The following ZFPM1 variants were observed in gnomAD, a reference collection of about 807,000 sequenced individuals.
ZFPM1 encodes zinc finger protein, FOG family member 1.
A neutral mutation model predicts 46.3 loss-of-function variants in ZFPM1; 28 were observed. The ratio of observed to expected loss-of-function variants is 0.60; its 90% CI spans 0.45 to 0.83. ZFPM1 has a LOEUF of 0.83. Ranked by LOEUF, ZFPM1 falls within the 40% of genes least tolerant of loss-of-function variation. The pLI is 0.00. For synonymous variants in ZFPM1, 957 were observed against 675.9 expected (o/e 1.42, Z -6.45); for missense variants, 1,878 against 1,432.4 (o/e 1.31, Z -5.02).
intron 1 of ZFPM1, among the ~76,000 whole-genome samples, chr16:88,476,174 A>C (rs1046098579): frequency 1.3e-5 from 2 of 152,058 alleles, no homozygotes; most frequent in Admixed American, 1.3e-4. Context: ...CACCCACCCC[A>C]GGGTGAGCAG....
chr16:88,462,313 G>C (rs1223068807), intron 1 of ZFPM1, among the ~76,000 whole-genome samples: 1 of 152,262 alleles, frequency 6.6e-6, no homozygotes, highest in East Asian at 1.9e-4. Context: ...ACCTGGAGCT[G>C]AAGTGAGCCC....
chr16:88,520,809 GTGGATGGA>G (rs746320971), intron 4 of ZFPM1, among the ~76,000 whole-genome samples: 18 of 84,386 alleles, frequency 2.1e-4, no homozygotes, highest in Non-Finnish European at 3.7e-4. Flanking sequence ...GGATGGGTGG[GTGGATGGA>G]TGGATGGATG....
At chr16:88,460,114 G>C (rs991869470) in intron 1 of ZFPM1, among the ~76,000 whole-genome samples, 1 of 152,038 alleles carries the variant, frequency 6.6e-6, no homozygotes, top group Non-Finnish European at 1.5e-5. Context: ...CTTCCCTTTG[G>C]CGAAGGCAGC....
chr16:88,490,946 C>A (rs995228232), intron 3 of ZFPM1, among the ~76,000 whole-genome samples: 15 of 152,084 alleles, frequency 9.9e-5, no homozygotes, highest in Non-Finnish European at 2.9e-5. Flanking sequence ...CGTCCCTTCT[C>A]CTCAGGGACA....
At chr16:88,453,021 C>CG (rs1907345367), upstream of ZFPM1, among the ~76,000 whole-genome samples, 1 of 149,200 alleles carries the variant, frequency 6.7e-6, no homozygotes, top group Non-Finnish European at 1.5e-5. Context: ...AAGGCCCAGA[C>CG]GGACAGGGGC....
Position 88,465,537 on chromosome 16 carries a change from G to A in ZFPM1, c.40+11859G>A, listed in dbSNP as rs534260523. ...TGCAATGCCCCAGGGTGGGCATTTC[G>A]CCTGTGTGGATCCCTGGTGTCCCCC... On this transcript the variant is annotated intron_variant, in intron 1 of 9. Transcript: ENST00000319555. Among the ~76,000 whole-genome samples the A allele has an allele frequency of 1.1e-3, 167 of 152,342 alleles. 2 individuals carry two copies. The highest frequency in any genetic ancestry group is 9.7e-3 in the South Asian group (47 of 4,828).
chr16:88,513,220 T>C (rs1259905885), intron 3 of ZFPM1: 1 of 152,124 alleles, frequency 6.6e-6, no homozygotes, highest in Non-Finnish European at 1.5e-5. Flanking sequence ...CTGCCCCCAG[T>C]CCGCTCTTCC....
intron 9 of ZFPM1, 89 bp from the exon 10 acceptor site, chr16:88,533,054 CGCCCA>C: frequency 7.1e-7 from 1 of 1,403,372 alleles, no homozygotes; most frequent in Non-Finnish European, 9.6e-7. Context: ...AAACCACTCC[CGCCCA>C]CCCCTCCCCT....
chr16:88,520,602 G>GTGGATGGA (rs1911779137), intron 4 of ZFPM1, among the ~76,000 whole-genome samples: 2 of 116,830 alleles, frequency 1.7e-5, no homozygotes, highest in South Asian at 3.2e-4. Context: ...GGGTGAGTGG[G>GTGGATGGA]TGGATGGATG....
At position 88,534,430 on chromosome 16, in the gene ZFPM1, G is replaced by A. The variant is rs1356296607; in HGVS notation, c.2472G>A (p.Val824=). The change falls in exon 10 of 10, where the codon GTG becomes GTA. Residue 824 remains valine, a synonymous_variant. Transcript: ENST00000319555. ...ADYHECTACR[V]SFHSLEAYLA... is the part of the protein sequence containing the mutation. ...ACCACGAGTGCACGGCCTGCCGCGT[G>A]AGCTTCCACAGCCTCGAGGCCTACC... 3.3e-6 allele frequency: 5 copies of A among 1,496,832 alleles called. No individual in the cohort carries two copies. Among genetic ancestry groups the A allele is most frequent in the Non-Finnish European group, 4.4e-6 (5 of 1,130,666 alleles). 92.7% of individuals were successfully genotyped at this position (1,496,832 alleles called of 1,614,324 possible).
chr16:88,515,727 T>C (rs551579475), intron 4 of ZFPM1, among the ~76,000 whole-genome samples: 25 of 152,242 alleles, frequency 1.6e-4, no homozygotes, highest in Admixed American at 1.5e-3. Context: ...GGAAGCTCAG[T>C]GGTGGTCAGT....
At chr16:88,490,107 G>A (rs1158103134) in intron 3 of ZFPM1, among the ~76,000 whole-genome samples, 1 of 151,404 alleles carries the variant, frequency 6.6e-6, no homozygotes, top group Non-Finnish European at 1.5e-5. Context: ...AGGCTGGAGT[G>A]CAATGGCGCG....
chr16:88,533,135 G>T lies in ZFPM1; in HGVS notation c.1190-13G>T. On this transcript the variant is annotated splice_polypyrimidine_tract_variant and intron_variant, in intron 9 of 9. Transcript: ENST00000319555. ...CCCAGGCCTGAGGTGCCACCCCTGC[G>T]ATCTCTCTGCAGACAGTCTGGGCAG... The T allele has an allele frequency of 1.4e-6, 2 of 1,446,168 alleles. No homozygotes were observed. Among genetic ancestry groups the T allele is most frequent in the East Asian group, 5.1e-5 (2 of 39,184 alleles). 89.6% of individuals were successfully genotyped at this position (1,446,168 alleles called of 1,614,324 possible). A position where few individuals can be genotyped will look rare whatever the true frequency, so the allele number is the denominator to read the frequency against.
chr16:88,533,752 C>T lies in ZFPM1; in HGVS notation c.1794C>T (p.Leu598=). ...ACAACTACTACGTGCACAAGCGCCTCTACTGTTCAGGCCGCCGTGCGCCCG... is the reference window on the plus strand; with the variant it reads ...ACAACTACTACGTGCACAAGCGCCTTTACTGTTCAGGCCGCCGTGCGCCCG... ...NVNNYYVHKR[L]YCSGRRAPED... is the part of the protein sequence containing the mutation. Residue 598 remains leucine (L), a synonymous_variant, in exon 10 of 10, where the codon CTC becomes CTT. Transcript: ENST00000319555. 6.8e-7 allele frequency: 1 copy of T among 1,480,470 alleles called. No individual in the cohort carries two copies. Among genetic ancestry groups the T allele is most frequent in the Non-Finnish European group, 9.0e-7 (1 of 1,108,880 alleles). 91.7% of individuals were successfully genotyped at this position (1,480,470 alleles called of 1,614,324 possible).
chr16:88,533,400 C>T lies in ZFPM1; in HGVS notation c.1442C>T (p.Pro481Leu), dbSNP rs1041805625. Reference sequence around the variant, plus strand: ...GCCCCCATCCTGGGCCCCGGAGAGCCTGGGCCCCAGGCCCCGTCGCGGACG... The same window carrying T: ...GCCCCCATCCTGGGCCCCGGAGAGCTTGGGCCCCAGGCCCCGTCGCGGACG... ...EAAPILGPGE[P>L]GPQAPSRTPS... The change falls in exon 10 of 10, where the codon CCT (proline) becomes CTT (leucine). Residue 481 changes from proline to leucine, a missense_variant. By Grantham distance (98) the Pro-to-Leu change is moderately conservative (BLOSUM62 -3). Transcript: ENST00000319555. The T allele has an allele frequency of 1.9e-5, 29 of 1,510,618 alleles. No individual in the cohort carries two copies. The Admixed American group carries it at 5.2e-4, about 27-fold the overall frequency. 93.6% of individuals were successfully genotyped at this position (1,510,618 alleles called of 1,614,324 possible). A position where few individuals can be genotyped will look rare whatever the true frequency, so the allele number is the denominator to read the frequency against.
chr16:88,457,545 G>A (rs1007262686), intron 1 of ZFPM1, among the ~76,000 whole-genome samples: 4 of 152,214 alleles, frequency 2.6e-5, no homozygotes, highest in Admixed American at 6.5e-5. Context: ...TGAGGGGAAC[G>A]GTGCCTGCAG....
intron 4 of ZFPM1, among the ~76,000 whole-genome samples, chr16:88,517,890 T>G (rs1037685780): frequency 6.6e-6 from 1 of 150,958 alleles, no homozygotes; most frequent in African/African-American, 2.4e-5. Flanking sequence ...AGTGGATAGA[T>G]GAATGGATGG....
chr16:88,486,363 T>G (rs965407915), intron 2 of ZFPM1, among the ~76,000 whole-genome samples: 1 of 152,248 alleles, frequency 6.6e-6, no homozygotes, highest in Non-Finnish European at 1.5e-5. Flanking sequence ...CCAGCCTCAG[T>G]AGACCCTCTG....
intron 2 of ZFPM1, among the ~76,000 whole-genome samples, chr16:88,486,777 AGTGGG>A (rs1048296940): frequency 5.4e-5 from 8 of 148,124 alleles, no homozygotes; most frequent in African/African-American, 2.0e-4. Flanking sequence ...ACTGGGTGCA[AGTGGG>A]TGCTGGGTGC....
Sources: gnomAD v4.1 joint callset for allele counts (sites outside exome capture counted in the v4.1 genomes callset) on GRCh38, gnomAD v4.1.1 for gene constraint, MANE v1.5 for transcripts, NCBI Gene and HGNC (gene_info 2026-07-23, HGNC 2026-07-21) for gene names.